Variants in CEP57 observed in about 807,000 individuals in gnomAD.
The protein encoded by CEP57 is centrosomal protein of 57 kDa.
CEP57 carries 40 observed loss-of-function variants against 68.0 expected under a neutral mutation model. The observed-to-expected ratio is 0.59, with a 90% CI of 0.46 to 0.77. The LOEUF (loss-of-function observed/expected upper bound fraction) is 0.77. Ranked by LOEUF, CEP57 falls within the 30% of genes least tolerant of loss-of-function variation. The probability of loss-of-function intolerance (pLI) is 0.00; values close to 1 mark genes in which losing one functional copy is unlikely to be tolerated. For synonymous variants in CEP57, 219 were observed against 198.7 expected, an observed-to-expected ratio of 1.10 and a Z score of -0.86; for missense variants, 606 against 580.7, an observed-to-expected ratio of 1.04 and a Z score of -0.45.
At position 95,821,853 on chromosome 11, in the gene CEP57, G is replaced by A; in HGVS notation, c.700-18G>A. ...TTTTATTTCTACAGCATTAACTTGA[G>A]GCTCTCATTTTTCCTAGTTGCAGAC... is the stretch of plus-strand genomic sequence containing the variant. On this transcript the variant is annotated intron_variant, in intron 6 of 10. Transcript: ENST00000325542. 1 of 1,517,288 alleles carries A rather than the reference G, an allele frequency of 6.6e-7. No homozygotes were observed. Among genetic ancestry groups the A allele is most frequent in the Non-Finnish European group, 9.1e-7 (1 of 1,093,730 alleles). The allele number at this position is 1,517,288 out of a possible 1,614,324, so 94.0% of individuals were successfully genotyped here. A position where few individuals can be genotyped will look rare whatever the true frequency, so the allele number is the denominator to read the frequency against.
At chr11:95,801,763 G>A (rs118010092) in intron 2 of CEP57, among the ~76,000 whole-genome samples, 3,458 of 151,734 alleles carry the variant, frequency 0.023, 58 homozygotes, top group Non-Finnish European at 0.037. Flanking sequence ...TACTAATAGA[G>A]CTAAATTCTG....
At chr11:95,818,623 C>G (rs1229328234) in intron 5 of CEP57, among the ~76,000 whole-genome samples, 1 of 152,136 alleles carries the variant, frequency 6.6e-6, no homozygotes, top group African/African-American at 2.4e-5. Flanking sequence ...ATAATTTTGT[C>G]CAGCTACCTC....
chr11:95,813,563 G>A lies in CEP57; in HGVS notation c.478G>A (p.Glu160Lys), dbSNP rs754392500. 6 of 1,613,056 alleles carry A rather than the reference G, an allele frequency of 3.7e-6. No individual in the cohort carries two copies. The Admixed American group carries it at 5.0e-5, about 13-fold the overall frequency. The change falls in exon 4 of 11, where the codon GAG (glutamate) becomes AAG (lysine). Residue 160 changes from glutamate (E) to lysine (K), a missense_variant. Glu to Lys is a moderately conservative substitution (Grantham distance 56, BLOSUM62 1). Transcript: ENST00000325542. ...MRNMIKHAEM[E>K]RTSVLEKQVS... is the part of the protein sequence containing the mutation. Reference sequence around the variant, plus strand: ...AAATATGATAAAGCATGCCGAAATGGAGAGGACATCTGTCTTAGAGAAACA... The same window carrying A: ...AAATATGATAAAGCATGCCGAAATGAAGAGGACATCTGTCTTAGAGAAACA...
intron 3 of CEP57, 151 bp downstream of exon 3, chr11:95,813,262 CTGT>C: frequency 5.0e-6 from 5 of 1,004,906 alleles, no homozygotes; most frequent in Non-Finnish European, 7.4e-6. Context: ...GGAGCAAATG[CTGT>C]TGTCATACAT....
chr11:95,829,372 A>C, intron 10 of CEP57, 41 bp downstream of exon 10: 1 of 1,472,402 alleles, frequency 6.8e-7, no homozygotes, highest in South Asian at 1.2e-5. Flanking sequence ...AATGATTAAG[A>C]AAAAAAAAAC....
At chr11:95,816,656 A>G (rs1395160657) in intron 4 of CEP57, among the ~76,000 whole-genome samples, 2 of 152,232 alleles carry the variant, frequency 1.3e-5, no homozygotes, top group African/African-American at 4.8e-5. Context: ...TCATATTCAA[A>G]TTTCTATTAA....
intron 6 of CEP57, among the ~76,000 whole-genome samples, chr11:95,819,819 G>T (rs1450350839): frequency 6.6e-6 from 1 of 152,174 alleles, no homozygotes; most frequent in East Asian, 1.9e-4. Context: ...ATTTCTTCTA[G>T]TGCATCTCTA....
At chr11:95,805,799 G>T (rs1861771849) in intron 2 of CEP57, among the ~76,000 whole-genome samples, 1 of 152,108 alleles carries the variant, frequency 6.6e-6, no homozygotes, top group South Asian at 2.1e-4. Flanking sequence ...CTGTCTTAGG[G>T]TGTGTATGTA....
chr11:95,828,124 G>A, intron 9 of CEP57, 97 bp downstream of exon 9: 1 of 1,433,770 alleles, frequency 7.0e-7, no homozygotes, highest in Non-Finnish European at 9.5e-7. Context: ...CCTTTGTTGA[G>A]CAAGTATGGT....
At chr11:95,820,206 T>C (rs1862463205) in intron 6 of CEP57, among the ~76,000 whole-genome samples, 1 of 152,190 alleles carries the variant, frequency 6.6e-6, no homozygotes, top group Admixed American at 6.5e-5. Flanking sequence ...CCAAATTAGA[T>C]GTTGCTGGTA....
intron 1 of CEP57, among the ~76,000 whole-genome samples, chr11:95,797,763 G>T (rs561312746): frequency 2.0e-5 from 3 of 152,304 alleles, no homozygotes; most frequent in East Asian, 3.9e-4. Flanking sequence ...ACAAAATGTA[G>T]AACAGAGGTA....
At chr11:95,810,417 G>C (rs923080393) in intron 2 of CEP57, among the ~76,000 whole-genome samples, 1 of 152,138 alleles carries the variant, frequency 6.6e-6, no homozygotes, top group Non-Finnish European at 1.5e-5. Context: ...AATTGTCCCT[G>C]TTTGCAGATT....
Position 95,790,621 on chromosome 11 carries a change from C to A in CEP57, c.-78C>A. On this transcript the variant is annotated 5_prime_UTR_variant, in exon 1 of 11. Transcript: ENST00000325542. ...TCAGCCTAGGGTCCCCGCTGGTGGG[C>A]GGCTCCCGAGTCTTGGAGAAGAGCA... 6.5e-7 allele frequency: 1 copy of A among 1,547,346 alleles called. No homozygotes were observed.
At chr11:95,821,612 A>C (rs1862520079) in intron 6 of CEP57, among the ~76,000 whole-genome samples, 1 of 152,212 alleles carries the variant, frequency 6.6e-6, no homozygotes, top group African/African-American at 2.4e-5. Context: ...GAGTAACTAC[A>C]AATACTGGAG....
chr11:95,813,086 GA>G lies in CEP57; in HGVS notation c.359del (p.Asn120MetfsTer10). 6.2e-7 allele frequency: 1 copy of G among 1,612,920 alleles called. No homozygotes were observed. Among genetic ancestry groups the G allele is most frequent in the Non-Finnish European group, 8.5e-7 (1 of 1,179,912 alleles). On this transcript the variant is annotated frameshift_variant, in exon 3 of 11. Transcript: ENST00000325542. LOFTEE classifies it high-confidence loss of function. Reference sequence around the variant, plus strand: ...AGATACAAGAAAGGGAGAATTCAAAGAATGAGGAATCAAAGCACAATCAAGG... The same window carrying G: ...AGATACAAGAAAGGGAGAATTCAAAGATGAGGAATCAAAGCACAATCAAGG... ...EQIQERENSK[N>X]EESKHNQELT...
chr11:95,813,325 ATGATT>A (rs1565322524), intron 3 of CEP57, 138 bp from the exon 4 acceptor site: 1 of 1,083,910 alleles, frequency 9.2e-7, no homozygotes, highest in Non-Finnish European at 1.3e-6. Flanking sequence ...CGTAGAAAGA[ATGATT>A]TAGGTAATCT....
chr11:95,799,094 T>G, intron 1 of CEP57, 138 bp from the exon 2 acceptor site: 1 of 802,014 alleles, frequency 1.2e-6, no homozygotes, highest in Non-Finnish European at 2.1e-6. Context: ...CTTTAATGAT[T>G]GAATTGTATT....
chr11:95,812,792 A>C (rs76989808), intron 2 of CEP57, 140 bp from the exon 3 acceptor site: 41,160 of 801,884 alleles, frequency 0.051, 1,380 homozygotes, highest in African/African-American at 0.1. Context: ...GATAATTAAC[A>C]TTTTATTGTT....
At position 95,817,805 on chromosome 11, in the gene CEP57, C is replaced by A. The variant is rs775752088; in HGVS notation, c.523C>A (p.Arg175=). 4 of 1,612,722 alleles carry A rather than the reference C, an allele frequency of 2.5e-6. No individual in the cohort carries two copies. The African/African-American group carries it at 4.0e-5, about 16-fold the overall frequency. ...TTTTCAGGTTTCCCTAGAAAGAGAA[C>A]GACAACATGATCAAACACATGTTCA... ...LEKQVSLERE[R]QHDQTHVQSQ... The change falls in exon 5 of 11, where the codon CGA becomes AGA. Residue 175 remains arginine (R), a synonymous_variant. Coordinates refer to ENST00000325542, the MANE Select transcript of CEP57 (RefSeq NM_014679.5).
Sources: allele counts gnomAD v4.1 joint callset (sites outside exome capture counted in the v4.1 genomes callset), GRCh38; gene constraint gnomAD v4.1.1; transcripts MANE v1.5; gene names NCBI Gene and HGNC (gene_info 2026-07-23, HGNC 2026-07-21).